The following TSR1 variants were observed in gnomAD, a reference collection of about 807,000 sequenced individuals.
TSR1 encodes the protein pre-rRNA-processing protein TSR1 homolog.
Under a neutral mutation model 90.9 loss-of-function variants are expected in TSR1, and 81 were observed. That is an observed-to-expected ratio of 0.89 (90% CI 0.74 to 1.07). TSR1 has a LOEUF of 1.07. Among genes scored for constraint, TSR1 ranks in the 50% least tolerant of loss-of-function variants. The probability of loss-of-function intolerance (pLI) is 0.00; values close to 1 mark genes in which losing one functional copy is unlikely to be tolerated. For synonymous variants in TSR1, 362 were observed against 348.8 expected (o/e 1.04, Z -0.42); for missense variants, 989 against 987.3 (o/e 1.00, Z -0.02).
At chr17:2,330,079 C>T (rs530269691) in intron 10 of TSR1, 1 of 313,618 alleles carries the variant, frequency 3.2e-6, no homozygotes, top group African/African-American at 2.2e-5. Flanking sequence ...GCCACCACGC[C>T]TGGCTAATTT....
intron 10 of TSR1, 186 bp downstream of exon 10, chr17:2,330,329 C>A (rs756642910): frequency 6.9e-6 from 5 of 726,834 alleles, no homozygotes; most frequent in Non-Finnish European, 1.3e-5. Context: ...ATGCTTCAGA[C>A]AGGTTCAGAC....
chr17:2,335,959 G>A (rs2064068086), intron 2 of TSR1, 78 bp downstream of exon 2: 2 of 1,464,664 alleles, frequency 1.4e-6, no homozygotes, highest in South Asian at 2.3e-5. Context: ...CCTCCTCCCG[G>A]TCTCATTTTC....
chr17:2,333,232 C>T, intron 6 of TSR1, 108 bp from the exon 7 acceptor site: 1 of 1,263,366 alleles, frequency 7.9e-7, no homozygotes, highest in Non-Finnish European at 1.1e-6. Flanking sequence ...ATGGGAAATT[C>T]TGGCAGACAC....
chr17:2,325,440 A>G lies in TSR1; in HGVS notation c.1904-20T>C, dbSNP rs199608827. ...TGTCCGCTGCCATAAGGGTTAAAAA[A>G]TGAAAAGCAAAACCATTTTGAGAAA... is the stretch of plus-strand genomic sequence containing the variant. On this transcript the variant is annotated intron_variant, in intron 11 of 14. Coordinates refer to ENST00000301364, the MANE Select transcript of TSR1 (RefSeq NM_018128.5). 109 of 1,591,544 alleles carry G rather than the reference A, an allele frequency of 6.8e-5. No individual in the cohort carries two copies. The highest frequency in any genetic ancestry group is 8.8e-5 in the Non-Finnish European group (103 of 1,167,052).
In TSR1 at chr17:2,334,740, T is replaced by C; in HGVS notation, c.713A>G (p.Asn238Ser). Residue 238 changes from asparagine (N) to serine (S), a missense_variant, in exon 5 of 15, where the codon AAC becomes AGC. Coordinates refer to ENST00000301364, the MANE Select transcript of TSR1 (RefSeq NM_018128.5). ...EAGMLLRQLANQKQQHLAFRD... is the reference protein window; with the variant it reads ...EAGMLLRQLASQKQQHLAFRD... ...AAAAGCAAGATGCTGTTGCTTCTGG[T>C]TAGCCAACTGCCTAAGCAGCATCCC... 1 of 1,614,132 alleles carries C rather than the reference T, an allele frequency of 6.2e-7. No individual in the cohort carries two copies. The highest frequency in any genetic ancestry group is 8.5e-7 in the Non-Finnish European group (1 of 1,180,042).
chr17:2,336,165 G>A (rs1443860566), intron 1 of TSR1, 25 bp from the exon 2 acceptor site: 3 of 1,611,408 alleles, frequency 1.9e-6, no homozygotes, highest in Non-Finnish European at 8.5e-7. Context: ...AGAAGGGGCT[G>A]GTGTGATCGG....
chr17:2,326,691 G>C (rs572530055), intron 11 of TSR1, among the ~76,000 whole-genome samples: 1 of 152,194 alleles, frequency 6.6e-6, no homozygotes, highest in South Asian at 2.1e-4. Flanking sequence ...GCTGTGGTGT[G>C]AACACAGCTC....
chr17:2,327,957 A>G (rs2075584311), intron 11 of TSR1, among the ~76,000 whole-genome samples: 1 of 152,176 alleles, frequency 6.6e-6, no homozygotes, highest in African/African-American at 2.4e-5. Flanking sequence ...TTGAAACAAT[A>G]AAAGAATGAC....
chr17:2,324,613 C>T (rs776150178), intron 13 of TSR1, 35 bp from the exon 14 acceptor site: 2 of 1,614,036 alleles, frequency 1.2e-6, no homozygotes, highest in South Asian at 1.1e-5. Context: ...CAAGATGAAA[C>T]ATTTACCCAC....
intron 10 of TSR1, chr17:2,330,211 G>A (rs1023812989): frequency 7.0e-5 from 36 of 511,754 alleles, no homozygotes; most frequent in South Asian, 1.4e-4. Context: ...GTGAGCCGCC[G>A]CGCCCAGCCA....
chr17:2,332,354 C>G lies in TSR1; in HGVS notation c.1311G>C (p.Glu437Asp). Residue 437 changes from glutamate to aspartate, a missense_variant, in exon 8 of 15, where the codon GAG (glutamate) becomes GAC (aspartate). Transcript: ENST00000301364. ...CATATTCTTCCTCTTCTTCACTACT[C>G]TCATCCTGTAGAATAGGATTACAGT... ...EDFMEEESQD[E>D]SSEEEEEYET... is the part of the protein sequence containing the mutation. The G allele has an allele frequency of 6.3e-7, 1 of 1,597,708 alleles. No homozygotes were observed. The highest frequency in any genetic ancestry group is 8.5e-7 in the Non-Finnish European group (1 of 1,175,284).
In TSR1 at chr17:2,334,865, T is replaced by G. The variant is rs746910700; in HGVS notation, c.588A>C (p.Pro196=). 8.7e-6 allele frequency: 14 copies of G among 1,613,222 alleles called. No individual in the cohort carries two copies. Among genetic ancestry groups the G allele is most frequent in the South Asian group, 1.1e-5 (1 of 91,080 alleles). The change falls in exon 5 of 15, where the codon CCA becomes CCC. Residue 196 remains proline (P), a synonymous_variant. Transcript: ENST00000301364. ...TLAVQGISGL[P]LKKQIDTRKK... ...TCCTGGTATCTATTTGTTTCTTCAG[T>G]GGGAGGCCAGAAATCCCCTGGACAG...
At chr17:2,328,494 C>G (rs1379508373) in intron 11 of TSR1, among the ~76,000 whole-genome samples, 2 of 151,626 alleles carry the variant, frequency 1.3e-5, no homozygotes, top group Non-Finnish European at 2.9e-5. Context: ...GAGGCTGAGG[C>G]AGGAGAATTG....
rs778422804 is a variant in TSR1 at position 2,325,343 on chromosome 17, G to T, written c.1981C>A (p.Pro661Thr). 6.2e-7 allele frequency: 1 copy of T among 1,613,350 alleles called. No homozygotes were observed. The highest frequency in any genetic ancestry group is 1.3e-5 in the African/African-American group (1 of 74,900). Residue 661 changes from proline (P) to threonine (T), a missense_variant, in exon 12 of 15, where the codon CCT becomes ACT. Pro to Thr is a conservative substitution (Grantham distance 38). Coordinates refer to ENST00000301364, the MANE Select transcript of TSR1 (RefSeq NM_018128.5). Reference sequence around the variant, plus strand: ...TTGAAAAGCAGCACAGATGCAGGAGGAAAAGTGATTGGCGCATAGACTGTC... The same window carrying T: ...TTGAAAAGCAGCACAGATGCAGGAGTAAAAGTGATTGGCGCATAGACTGTC... ...VATVYAPITF[P>T]PASVLLFKQK...
In TSR1 at chr17:2,323,494, C is replaced by A; in HGVS notation, c.*702G>T. On this transcript the variant is annotated 3_prime_UTR_variant, in exon 15 of 15. Transcript: ENST00000301364. ...GTACCCTAGATGTATTAATGACAAC[C>A]CTCTTGACAGAAGCAGAGTCAGAAT... The A allele has an allele frequency of 8.7e-7, 1 of 1,146,518 alleles. No homozygotes were observed. 71.0% of individuals were successfully genotyped at this position (1,146,518 alleles called of 1,614,324 possible). A position where few individuals can be genotyped will look rare whatever the true frequency, so the allele number is the denominator to read the frequency against.
In TSR1 at chr17:2,334,785, A is replaced by G; in HGVS notation, c.668T>C (p.Leu223Ser). The G allele has an allele frequency of 6.2e-7, 1 of 1,614,242 alleles. No homozygotes were observed. Among genetic ancestry groups the G allele is most frequent in the South Asian group, 1.1e-5 (1 of 91,088 alleles). The change falls in exon 5 of 15, where the codon TTA becomes TCA. Residue 223 changes from leucine (L) to serine (S), a missense_variant. Coordinates refer to ENST00000301364, the MANE Select transcript of TSR1 (RefSeq NM_018128.5). ...KRFPHDKLLL[L>S]DTQQEAGMLL... The stretch of plus-strand genomic sequence containing the variant: ...CATCCCTGCCTCCTGTTGAGTGTCT[A>G]ACAAGAGGAGTTTGTCATGCGGAAA...
chr17:2,330,816 A>C, intron 9 of TSR1, 131 bp downstream of exon 9: 1 of 1,081,358 alleles, frequency 9.2e-7, no homozygotes, highest in Non-Finnish European at 1.3e-6. Flanking sequence ...TCCCAGTATC[A>C]TTCTAATCAA....
intron 10 of TSR1, 60 bp from the exon 11 acceptor site, chr17:2,329,535 T>C: frequency 6.3e-7 from 1 of 1,596,318 alleles, no homozygotes; most frequent in Non-Finnish European, 8.5e-7. Context: ...TTGCCTAAAC[T>C]GAAAGAAGGC....
chr17:2,325,613 T>TC (rs2075571924), intron 11 of TSR1, among the ~76,000 whole-genome samples, 193 bp from the exon 12 acceptor site: 1 of 152,048 alleles, frequency 6.6e-6, no homozygotes. Context: ...AGTAACTTTT[T>TC]TTTTTTCTTT....
Sources: allele counts gnomAD v4.1 joint callset (sites outside exome capture counted in the v4.1 genomes callset), GRCh38; gene constraint gnomAD v4.1.1; transcripts MANE v1.5; gene names NCBI Gene and HGNC (gene_info 2026-07-23, HGNC 2026-07-21).